CD200R1L: variants seen among roughly 807,000 people sequenced by gnomAD.
CD200R1L encodes CD200 receptor 1 like.
CD200R1L carries 14 observed loss-of-function variants against 24.8 expected under a neutral mutation model. The observed-to-expected ratio is 0.56, with a 90% CI of 0.37 to 0.88. CD200R1L has a LOEUF of 0.88. Ranked by LOEUF, CD200R1L falls within the 40% of genes least tolerant of loss-of-function variation. The pLI is 0.00. For missense variants in CD200R1L, 299 were observed against 297.8 expected (o/e 1.00, Z -0.03); for synonymous variants, 111 against 109.2 (o/e 1.02, Z -0.11).
rs1451271494 is a variant in CD200R1L, at chr3:112,822,410, G to C, written c.617-2515C>G. 3.9e-5 allele frequency among the ~76,000 whole-genome samples: 6 copies of C among 152,250 alleles called. No individual in the cohort carries two copies. The East Asian group carries it at 1.2e-3, about 29-fold the overall frequency. ...CCCCTTCCATTGACCTCCTGGGAGG[G>C]GAGAGGGGCTAGAGATTAAGCTAAA... On this transcript the variant is annotated intron_variant, in intron 6 of 7. Coordinates refer to ENST00000488794, the MANE Select transcript of CD200R1L (RefSeq NM_001199215.3).
intron 6 of CD200R1L, 122 bp downstream of exon 6, chr3:112,826,871 T>G: frequency 8.8e-7 from 1 of 1,131,164 alleles, no homozygotes; most frequent in Non-Finnish European, 1.2e-6. Flanking sequence ...TTTCTCAGTT[T>G]GAGAGAATAT....
At chr3:112,842,848 G>T in intron 2 of CD200R1L, among the ~76,000 whole-genome samples, 1 of 152,124 alleles carries the variant, frequency 6.6e-6, no homozygotes, top group East Asian at 1.9e-4. Flanking sequence ...CTCTGCTCTC[G>T]AACTCTGTTT....
intron 3 of CD200R1L, among the ~76,000 whole-genome samples, chr3:112,832,551 G>A (rs921874721): frequency 4.6e-5 from 7 of 152,044 alleles, no homozygotes; most frequent in African/African-American, 1.7e-4. Context: ...GAGACTTAAA[G>A]TATACTAAAA....
At chr3:112,825,252 T>TAAA in intron 6 of CD200R1L, among the ~76,000 whole-genome samples, 1 of 126,260 alleles carries the variant, frequency 7.9e-6, no homozygotes, top group East Asian at 2.4e-4. Flanking sequence ...AAACAAAGAT[T>TAAA]AAAAAAAAAA....
At chr3:112,816,273 T>A (rs1938388329) in intron 7 of CD200R1L, among the ~76,000 whole-genome samples, 1 of 152,154 alleles carries the variant, frequency 6.6e-6, no homozygotes, top group African/African-American at 2.4e-5. Flanking sequence ...GGCTGACTAT[T>A]GCATCTTCTA....
intron 2 of CD200R1L, among the ~76,000 whole-genome samples, chr3:112,838,951 A>G (rs539494957): frequency 6.6e-6 from 1 of 152,332 alleles, no homozygotes; most frequent in South Asian, 2.1e-4. Context: ...CATTAGTTGC[A>G]TTAGTTTCTG....
intron 7 of CD200R1L, among the ~76,000 whole-genome samples, chr3:112,818,315 A>G (rs1047437793): frequency 2.6e-5 from 4 of 152,190 alleles, no homozygotes; most frequent in Non-Finnish European, 4.4e-5. Flanking sequence ...AATCCATCCA[A>G]CGGCTACAAC....
At chr3:112,823,711 C>G (rs565721841) in intron 6 of CD200R1L, among the ~76,000 whole-genome samples, 3 of 152,128 alleles carry the variant, frequency 2.0e-5, no homozygotes, top group Admixed American at 6.5e-5. Context: ...AGAAAATCAT[C>G]CCAGAGGATC....
intron 3 of CD200R1L, among the ~76,000 whole-genome samples, chr3:112,837,496 G>A (rs1938976493): frequency 6.6e-6 from 1 of 152,074 alleles, no homozygotes; most frequent in Non-Finnish European, 1.5e-5. Context: ...AACATTTTAT[G>A]TGCCTTTCTA....
At chr3:112,841,774 C>T (rs748473712) in intron 2 of CD200R1L, among the ~76,000 whole-genome samples, 5 of 152,184 alleles carry the variant, frequency 3.3e-5, no homozygotes, top group Non-Finnish European at 7.4e-5. Context: ...GTTTGGCCCC[C>T]CCGGAACACC....
chr3:112,828,958 C>T (rs1252606985), intron 4 of CD200R1L, among the ~76,000 whole-genome samples: 1 of 152,210 alleles, frequency 6.6e-6, no homozygotes, highest in African/African-American at 2.4e-5. Flanking sequence ...TATCTCTCCT[C>T]TCCTGTTTTG....
At position 112,827,205 on chromosome 3, in the gene CD200R1L, A is replaced by C. The variant is rs1176144382; in HGVS notation, c.404T>G (p.Ile135Arg). 6.2e-7 allele frequency: 1 copy of C among 1,613,350 alleles called. No homozygotes were observed. The highest frequency in any genetic ancestry group is 1.1e-5 in the South Asian group (1 of 90,956). ...PEVNLFQSRN[I>R]TAVCKAVTGK... ...TGTAACTGCCTTGCATACTGCAGTT[A>C]TATTCCTGCTTTGAAATAGGTTCAC... Residue 135 changes from isoleucine to arginine, a missense_variant, in exon 6 of 8, where the codon ATA becomes AGA. Coordinates refer to ENST00000488794, the MANE Select transcript of CD200R1L (RefSeq NM_001199215.3).
At chr3:112,820,900 T>C (rs754986791) in intron 6 of CD200R1L, among the ~76,000 whole-genome samples, 4 of 151,002 alleles carry the variant, frequency 2.6e-5, no homozygotes, top group African/African-American at 9.7e-5. Flanking sequence ...TCTACTAAAA[T>C]ACAAAAATTA....
intron 3 of CD200R1L, among the ~76,000 whole-genome samples, chr3:112,830,620 G>A (rs1196482101): frequency 6.6e-6 from 1 of 151,146 alleles, no homozygotes; most frequent in South Asian, 2.1e-4. Flanking sequence ...CAATAGGATG[G>A]GATGGCAACA....
At chr3:112,823,241 AT>A (rs1327296872) in intron 6 of CD200R1L, among the ~76,000 whole-genome samples, 7 of 152,240 alleles carry the variant, frequency 4.6e-5, no homozygotes, top group Non-Finnish European at 8.8e-5. Flanking sequence ...TTTTGCTTAA[AT>A]AAACTCTTTT....
Position 112,827,627 on chromosome 3 carries a change from A to T in CD200R1L, c.107T>A (p.Ile36Asn). 1 of 1,613,934 alleles carries T rather than the reference A, an allele frequency of 6.2e-7. No individual in the cohort carries two copies. Among genetic ancestry groups the T allele is most frequent in the Non-Finnish European group, 8.5e-7 (1 of 1,179,864 alleles). The change falls in exon 5 of 8, where the codon ATC becomes AAC. Residue 36 changes from isoleucine to asparagine, a missense_variant. Coordinates refer to ENST00000488794, the MANE Select transcript of CD200R1L (RefSeq NM_001199215.3). ...DINAVLCCPP[I>N]ALRNLIIITW... ...TATTATGATCAAATTTCTTAATGCG[A>T]TAGGAGGGCAACAAAGCACAGCATT...
rs995011472 is a variant in CD200R1L, at chr3:112,826,741, A to C, written c.616+252T>G. Among the ~76,000 whole-genome samples the C allele has an allele frequency of 9.9e-5, 15 of 152,164 alleles. 1 individual carries two copies. The highest frequency in any genetic ancestry group is 3.3e-4 in the Admixed American group (5 of 15,278). On this transcript the variant is annotated intron_variant, in intron 6 of 7. Coordinates refer to ENST00000488794, the MANE Select transcript of CD200R1L (RefSeq NM_001199215.3). ...GAACAAGGATTGTTAAAACTACATA[A>C]AACTCTTGATATTTCATATCAAGAA...
chr3:112,840,107 TGA>T (rs1177583765), intron 2 of CD200R1L, among the ~76,000 whole-genome samples: 1 of 152,248 alleles, frequency 6.6e-6, no homozygotes, highest in Non-Finnish European at 1.5e-5. Flanking sequence ...CAAAGCTGAA[TGA>T]GGCCAAATTA....
At chr3:112,844,846 C>T (rs954504493) in intron 2 of CD200R1L, among the ~76,000 whole-genome samples, 1 of 152,060 alleles carries the variant, frequency 6.6e-6, no homozygotes, top group African/African-American at 2.4e-5. Context: ...CTCTCTTGAA[C>T]CCAGGAGGCA....
Sources: gnomAD v4.1 joint callset for allele counts (sites outside exome capture counted in the v4.1 genomes callset) on GRCh38, gnomAD v4.1.1 for gene constraint, MANE v1.5 for transcripts, NCBI Gene and HGNC (gene_info 2026-07-23, HGNC 2026-07-21) for gene names.